The following TM6SF1 variants were observed in gnomAD, a reference collection of about 807,000 sequenced individuals.
The protein encoded by TM6SF1 is transmembrane 6 superfamily member 1.
A neutral mutation model predicts 47.1 loss-of-function variants in TM6SF1; 43 were observed. The observed-to-expected ratio is 0.91, with a 90% CI of 0.72 to 1.18. The LOEUF is 1.18. Among genes scored for constraint, TM6SF1 ranks in the 50% most tolerant of loss-of-function variants. The probability of loss-of-function intolerance (pLI) is 0.00; values close to 1 mark genes in which losing one functional copy is unlikely to be tolerated. For synonymous variants in TM6SF1, 177 were observed against 166.3 expected, an observed-to-expected ratio of 1.06 and a Z score of -0.49; for missense variants, 390 against 449.0, an observed-to-expected ratio of 0.87 and a Z score of 1.19.
chr15:83,123,791 T>C (rs1273144585), intron 6 of TM6SF1, among the ~76,000 whole-genome samples: 1 of 152,216 alleles, frequency 6.6e-6, no homozygotes, highest in Admixed American at 6.5e-5. Context: ...TGTCAGTGTG[T>C]CAACAGAGTA....
chr15:83,132,901 ACACT>A (rs2036351545), intron 9 of TM6SF1: 1 of 152,230 alleles, frequency 6.6e-6, no homozygotes, highest in African/African-American at 2.4e-5. Context: ...TTTCATGGAG[ACACT>A]CACAGTAAAA....
chr15:83,113,063 T>C (rs2034337118), intron 2 of TM6SF1, 163 bp downstream of exon 2: 6 of 644,108 alleles, frequency 9.3e-6, no homozygotes, highest in Admixed American at 4.9e-5. Context: ...CCTCTGGCTA[T>C]TGCCTCTCAG....
At chr15:83,120,808 T>C (rs2035162479) in intron 4 of TM6SF1, among the ~76,000 whole-genome samples, 1 of 152,000 alleles carries the variant, frequency 6.6e-6, no homozygotes, top group Non-Finnish European at 1.5e-5. Context: ...TCTGGTGATC[T>C]GCCCGCCTCA....
chr15:83,127,503 G>A (rs1245276228), intron 9 of TM6SF1, 26 bp downstream of exon 9: 4 of 1,611,212 alleles, frequency 2.5e-6, no homozygotes, highest in South Asian at 2.2e-5. Flanking sequence ...TGTTGAGAAG[G>A]TTTACTTGTG....
intron 2 of TM6SF1, 46 bp downstream of exon 2, chr15:83,112,946 A>G: frequency 6.9e-7 from 1 of 1,438,924 alleles, no homozygotes. Context: ...TTAATAACAC[A>G]ATACTTTCAG....
chr15:83,115,181 G>A, intron 2 of TM6SF1: 1 of 155,632 alleles, frequency 6.4e-6, no homozygotes, highest in Admixed American at 6.4e-5. Flanking sequence ...GCAGTGGTGT[G>A]ATCTCGGCTC....
chr15:83,127,976 A>G (rs577351774), intron 9 of TM6SF1: 1 of 155,124 alleles, frequency 6.4e-6, no homozygotes, highest in African/African-American at 2.4e-5. Flanking sequence ...GGCCTAGAGT[A>G]GGTGTTCAGT....
intron 1 of TM6SF1, chr15:83,111,628 G>A (rs992229820): frequency 4.1e-6 from 4 of 985,414 alleles, no homozygotes; most frequent in Non-Finnish European, 4.8e-6. Context: ...GTGGTGTGGA[G>A]GGGTCTCAGT....
chr15:83,119,586 G>GTATC lies in TM6SF1; in HGVS notation c.305_308dup (p.Asn104SerfsTer35), dbSNP rs1427373722. 6.2e-7 allele frequency: 1 copy of GTATC among 1,613,950 alleles called. No homozygotes were observed. The highest frequency in any genetic ancestry group is 1.7e-5 in the Admixed American group (1 of 60,002). On this transcript the variant is annotated frameshift_variant, in exon 4 of 10. Transcript: ENST00000322019. LOFTEE classifies it high-confidence loss of function. ...TTTAATGCTTTCTTTAGGGTGAACC[G>GTATC]TATCTGAACACCGCATATGGGCACA... is the stretch of plus-strand genomic sequence containing the variant.
intron 5 of TM6SF1, 105 bp downstream of exon 5, chr15:83,122,108 CT>C: frequency 1.1e-6 from 1 of 938,956 alleles, no homozygotes; most frequent in Non-Finnish European, 1.6e-6. Flanking sequence ...TGATTCCAAG[CT>C]TACTAAAAAC....
At chr15:83,125,700 G>A (rs187098930) in intron 7 of TM6SF1, among the ~76,000 whole-genome samples, 62 of 152,356 alleles carry the variant, frequency 4.1e-4, no homozygotes, top group African/African-American at 1.5e-3. Flanking sequence ...TCTATTCGAA[G>A]CCTGTTGGCG....
intron 5 of TM6SF1, among the ~76,000 whole-genome samples, chr15:83,122,269 G>C (rs2035331719): frequency 6.6e-6 from 1 of 152,152 alleles, no homozygotes; most frequent in South Asian, 2.1e-4. Context: ...GAGGGAGTGA[G>C]TATGGTGTTT....
intron 1 of TM6SF1, among the ~76,000 whole-genome samples, chr15:83,109,879 C>T (rs552426975): frequency 6.6e-5 from 10 of 152,282 alleles, no homozygotes; most frequent in South Asian, 4.1e-4. Flanking sequence ...CTGTTGAAGC[C>T]GCACCTGGAC....
chr15:83,136,764 G>T lies in TM6SF1; in HGVS notation c.*92G>T. ...CCCATTTCACTCTCTTCTCATACGT[G>T]AGTACTTAAGAATATGTACATTCTT... On this transcript the variant is annotated 3_prime_UTR_variant, in exon 10 of 10. Transcript: ENST00000322019. The T allele has an allele frequency of 9.5e-7, 1 of 1,047,302 alleles. No homozygotes were observed. Among genetic ancestry groups the T allele is most frequent in the Non-Finnish European group, 1.4e-6 (1 of 719,478 alleles). 64.9% of individuals were successfully genotyped at this position (1,047,302 alleles called of 1,614,324 possible).
In TM6SF1 at chr15:83,124,778, TA is replaced by T; in HGVS notation, c.708+4del. 1 of 1,608,468 alleles carries T rather than the reference TA, an allele frequency of 6.2e-7. No homozygotes were observed. The highest frequency in any genetic ancestry group is 8.5e-7 in the Non-Finnish European group (1 of 1,174,868). ...GGATTTTGCCTGTTCAGAGGTTTGGTAAGCATAACAGATCATAATAACGTAA... is the reference window on the plus strand; with the variant it reads ...GGATTTTGCCTGTTCAGAGGTTTGGTAGCATAACAGATCATAATAACGTAA... On this transcript the variant is annotated splice_donor_region_variant and intron_variant, in intron 7 of 9. Coordinates refer to ENST00000322019, the MANE Select transcript of TM6SF1 (RefSeq NM_023003.5).
intron 1 of TM6SF1, among the ~76,000 whole-genome samples, chr15:83,109,850 G>C (rs1395657717): frequency 6.6e-6 from 1 of 152,174 alleles, no homozygotes; most frequent in African/African-American, 2.4e-5. Flanking sequence ...CAGGGATGCT[G>C]CCTTCCTCCT....
intron 2 of TM6SF1, chr15:83,115,164 C>A (rs185711489): frequency 2.5e-3 from 387 of 157,044 alleles, no homozygotes; most frequent in Non-Finnish European, 4.2e-3. Context: ...GTCGCCCAGG[C>A]TGGAGTGCAG....
rs776299932 is a variant in TM6SF1, at chr15:83,126,871, A to G, written c.801+24A>G. ...AGGTCAAGTAGTTATGAAGCCTAAG[A>G]TTTTTCTAAAATTAATTTTCTTTTT... On this transcript the variant is annotated intron_variant, in intron 8 of 9. Transcript: ENST00000322019. The G allele has an allele frequency of 3.8e-6, 6 of 1,569,448 alleles. No individual in the cohort carries two copies. The South Asian group carries it at 5.7e-5, about 15-fold the overall frequency.
At chr15:83,112,498 C>A (rs978226304) in intron 1 of TM6SF1, among the ~76,000 whole-genome samples, 1 of 152,058 alleles carries the variant, frequency 6.6e-6, no homozygotes, top group Non-Finnish European at 1.5e-5. Context: ...ATAGGTGCAG[C>A]AGGGTGGGGT....
Sources: allele counts gnomAD v4.1 joint callset (sites outside exome capture counted in the v4.1 genomes callset), GRCh38; gene constraint gnomAD v4.1.1; transcripts MANE v1.5; gene names NCBI Gene and HGNC (gene_info 2026-07-23, HGNC 2026-07-21).